Variants in GCNT1 observed in about 807,000 individuals in gnomAD.
GCNT1 encodes glucosaminyl (N-acetyl) transferase 1.
GCNT1 carries 16 observed loss-of-function variants against 26.2 expected under a neutral mutation model. The ratio of observed to expected loss-of-function variants is 0.61; its 90% CI spans 0.41 to 0.93. The LOEUF is 0.93. GCNT1 is among the 40% of genes least tolerant of loss of function. The pLI, the probability that GCNT1 is intolerant of heterozygous loss-of-function variation, is 0.00. For missense variants in GCNT1, 477 were observed against 526.7 expected, an observed-to-expected ratio of 0.91 and a Z score of 0.92; for synonymous variants, 183 against 190.8, an observed-to-expected ratio of 0.96 and a Z score of 0.34.
chr9:76,454,108 C>T (rs1313367061), intron 1 of GCNT1, among the ~76,000 whole-genome samples: 3 of 151,988 alleles, frequency 2.0e-5, no homozygotes, highest in African/African-American at 2.4e-5. Context: ...CGGCTGAGTG[C>T]GGTGGCTCAT....
intron 1 of GCNT1, among the ~76,000 whole-genome samples, chr9:76,444,207 A>G (rs1823536143): frequency 6.6e-6 from 1 of 152,206 alleles, no homozygotes; most frequent in Non-Finnish European, 1.5e-5. Context: ...TTACCTGTAA[A>G]GGGAGATGTT....
At chr9:76,439,226 T>TTC (rs915848386), upstream of GCNT1, among the ~76,000 whole-genome samples, 4 of 142,862 alleles carry the variant, frequency 2.8e-5, no homozygotes, top group Admixed American at 7.0e-5. Flanking sequence ...TCTTTTTCTT[T>TTC]TTTTTTTTTT....
upstream of GCNT1, among the ~76,000 whole-genome samples, chr9:76,454,442 A>T (rs1823720029): frequency 6.7e-6 from 1 of 148,742 alleles, no homozygotes; most frequent in Non-Finnish European, 1.5e-5. Context: ...TGGGATGAGC[A>T]GGTGGCCCAA....
intron 2 of GCNT1, among the ~76,000 whole-genome samples, chr9:76,493,013 A>G (rs975132570): frequency 6.6e-6 from 1 of 152,158 alleles, no homozygotes; most frequent in African/African-American, 2.4e-5. Flanking sequence ...TTTAGGATCA[A>G]TTGACCCTCG....
chr9:76,460,504 G>C (rs1293915132), intron 2 of GCNT1, among the ~76,000 whole-genome samples: 1 of 152,214 alleles, frequency 6.6e-6, no homozygotes, highest in Non-Finnish European at 1.5e-5. Flanking sequence ...GGAGGGCTTA[G>C]TAGTTTTTAA....
intron 1 of GCNT1, among the ~76,000 whole-genome samples, chr9:76,429,521 G>A (rs1323869419): frequency 6.6e-6 from 1 of 152,096 alleles, no homozygotes; most frequent in Non-Finnish European, 1.5e-5. Flanking sequence ...TGGATTGGCA[G>A]CCTGTTCTCC....
At chr9:76,462,371 A>G (rs1284344925) in intron 2 of GCNT1, among the ~76,000 whole-genome samples, 1 of 152,170 alleles carries the variant, frequency 6.6e-6, no homozygotes, top group Non-Finnish European at 1.5e-5. Context: ...CACGTTTCCT[A>G]TCTGAGGCAA....
At chr9:76,491,166 TCTTTGA>T (rs1824726075) in intron 2 of GCNT1, among the ~76,000 whole-genome samples, 1 of 151,078 alleles carries the variant, frequency 6.6e-6, no homozygotes, top group Non-Finnish European at 1.5e-5. Context: ...TTCCTCTCTC[TCTTTGA>T]CTTTGTCTCT....
At chr9:76,465,520 G>A (rs77589291) in intron 2 of GCNT1, among the ~76,000 whole-genome samples, 17,541 of 152,258 alleles carry the variant, frequency 0.12, 1,091 homozygotes, top group Middle Eastern at 0.22. Context: ...GCAAACCCAA[G>A]AAAGGCTTCT....
the GCNT1 span, among the ~76,000 whole-genome samples, chr9:76,408,890 T>C: frequency 6.6e-6 from 1 of 152,110 alleles, no homozygotes. Context: ...GGTTTCACCA[T>C]GTTAGCCAGG....
chr9:76,474,625 C>T (rs1824214877), intron 2 of GCNT1, among the ~76,000 whole-genome samples: 1 of 152,136 alleles, frequency 6.6e-6, no homozygotes, highest in Non-Finnish European at 1.5e-5. Flanking sequence ...TGTTACGTAC[C>T]AGAAGAGAAC....
Position 76,502,594 on chromosome 9 carries a change from A to G in GCNT1, c.213A>G (p.Gln71=). The G allele has an allele frequency of 1.9e-6, 3 of 1,613,976 alleles. No homozygotes were observed. Among genetic ancestry groups the G allele is most frequent in the Non-Finnish European group, 2.5e-6 (3 of 1,179,894 alleles). ...KVLQGDVNEI[Q]KVKLEILTVK... is the part of the protein sequence containing the mutation. Reference sequence around the variant, plus strand: ...TACAGGGTGATGTAAATGAAATCCAAAAGGTAAAGCTTGAGATCCTAACAG... The same window carrying G: ...TACAGGGTGATGTAAATGAAATCCAGAAGGTAAAGCTTGAGATCCTAACAG... The change falls in exon 4 of 4, where the codon CAA becomes CAG. Residue 71 remains glutamine, a synonymous_variant. Coordinates refer to ENST00000376730, the MANE Select transcript of GCNT1 (RefSeq NM_001490.5).
upstream of GCNT1, among the ~76,000 whole-genome samples, chr9:76,455,036 CAG>C (rs1193740865): frequency 4.6e-5 from 7 of 151,698 alleles, no homozygotes; most frequent in Admixed American, 4.6e-4. Flanking sequence ...TTAGTAGAGA[CAG>C]AGTTTCACCA....
At chr9:76,407,763 CATTT>C in the GCNT1 span, among the ~76,000 whole-genome samples, 1 of 152,144 alleles carries the variant, frequency 6.6e-6, no homozygotes, top group African/African-American at 2.4e-5. Flanking sequence ...AATACTTCTT[CATTT>C]ATTTAGTTCT....
chr9:76,480,527 G>A (rs1054708880), intron 2 of GCNT1, among the ~76,000 whole-genome samples: 1 of 152,144 alleles, frequency 6.6e-6, no homozygotes, highest in Non-Finnish European at 1.5e-5. Flanking sequence ...GACTGAGGGT[G>A]TATTTCATCT....
chr9:76,448,772 A>G (rs1823616855), intron 1 of GCNT1, among the ~76,000 whole-genome samples: 1 of 152,194 alleles, frequency 6.6e-6, no homozygotes, highest in African/African-American at 2.4e-5. Context: ...CTGGAGATTC[A>G]TCCATGTTGA....
the GCNT1 span, among the ~76,000 whole-genome samples, chr9:76,402,168 A>G: frequency 1.6e-4 from 24 of 152,300 alleles, no homozygotes; most frequent in South Asian, 4.4e-3. Flanking sequence ...CTAGGTAAAC[A>G]GAGGAGAGGC....
At chr9:76,394,787 A>G in the GCNT1 span, among the ~76,000 whole-genome samples, 1 of 152,070 alleles carries the variant, frequency 6.6e-6, no homozygotes, top group Non-Finnish European at 1.5e-5. Flanking sequence ...CCAAAGTGAG[A>G]CGCTCTTTAG....
intron 2 of GCNT1, among the ~76,000 whole-genome samples, chr9:76,470,509 T>C (rs551585771): frequency 6.6e-6 from 1 of 150,488 alleles, no homozygotes; most frequent in Non-Finnish European, 1.5e-5. Flanking sequence ...GGAGGCTGAG[T>C]TGGGAGGATT....
Sources: allele counts gnomAD v4.1 joint callset (sites outside exome capture counted in the v4.1 genomes callset), GRCh38; gene constraint gnomAD v4.1.1; transcripts MANE v1.5; gene names NCBI Gene and HGNC (gene_info 2026-07-23, HGNC 2026-07-21).